Variants in DDX31 observed in about 807,000 individuals in gnomAD.
DDX31 encodes DEAD-box helicase 31.
DDX31 carries 70 observed loss-of-function variants against 91.3 expected under a neutral mutation model. That is an observed-to-expected ratio of 0.77 (90% CI 0.63 to 0.94). The LOEUF is 0.94. DDX31 is among the 40% of genes least tolerant of loss of function. DDX31 has a pLI of 0.00. For synonymous variants in DDX31, 362 were observed against 350.6 expected (o/e 1.03, Z -0.36); for missense variants, 902 against 925.0 (o/e 0.98, Z 0.32).
At chr9:132,599,030 CA>C (rs542481518) in intron 19 of DDX31, among the ~76,000 whole-genome samples, 4 of 152,206 alleles carry the variant, frequency 2.6e-5, no homozygotes, top group Non-Finnish European at 5.9e-5. Flanking sequence ...GTGATGACCA[CA>C]ATGGCGCCCT....
intron 14 of DDX31, chr9:132,638,302 G>C (rs574469871): frequency 1.2e-6 from 2 of 1,612,722 alleles, no homozygotes; most frequent in African/African-American, 1.3e-5. Flanking sequence ...TTATCAACTC[G>C]TCAACATAAT....
rs574469871 is a variant in DDX31 at position 132,638,302 on chromosome 9, G to A, written c.1440+3702C>T. The A allele has an allele frequency of 9.3e-6, 15 of 1,612,838 alleles. No individual in the cohort carries two copies. In the East Asian group the frequency reaches 1.8e-4, roughly 19 times the overall value. ...ATTCGGTGGTACTTCTTATCAACTC[G>A]TCAACATAATGATGGTATTAAAAGC... On this transcript the variant is annotated intron_variant, in intron 14 of 19. Coordinates refer to ENST00000372159, the MANE Select transcript of DDX31 (RefSeq NM_022779.9).
chr9:132,653,494 C>CAAAAAAAAAAAAAAAA (rs71376648), intron 6 of DDX31, among the ~76,000 whole-genome samples: 2 of 20,658 alleles, frequency 9.7e-5, no homozygotes, highest in African/African-American at 1.8e-4. Flanking sequence ...AACTCAGTCT[C>CAAAAAAAAAAAAAAAA]AAAAAAAAAA....
intron 17 of DDX31, among the ~76,000 whole-genome samples, chr9:132,624,384 G>GAGTC (rs1832262557): frequency 2.6e-5 from 4 of 152,110 alleles, no homozygotes; most frequent in Non-Finnish European, 5.9e-5. Flanking sequence ...ATGACCAATG[G>GAGTC]AGTCTTTAAC....
chr9:132,603,381 A>G (rs1160061389), intron 19 of DDX31, among the ~76,000 whole-genome samples: 1 of 152,254 alleles, frequency 6.6e-6, no homozygotes, highest in Non-Finnish European at 1.5e-5. Context: ...AGGCTCTGAC[A>G]TCATGAAGAA....
Position 132,609,924 on chromosome 9 carries a change from G to A in DDX31, c.1994+2163C>T, listed in dbSNP as rs562442999. Among the ~76,000 whole-genome samples, 146 of 152,316 alleles carry A rather than the reference G, an allele frequency of 9.6e-4. 1 individual carries two copies. Among genetic ancestry groups the A allele is most frequent in the African/African-American group, 3.2e-3 (131 of 41,566 alleles). ...AGTGAGTCACCGCGCCTGGCCACAT[G>A]TGTGTTTCTTAACAGTAATCATTTG... On this transcript the variant is annotated intron_variant, in intron 19 of 19. Transcript: ENST00000372159.
intron 4 of DDX31, among the ~76,000 whole-genome samples, chr9:132,660,696 T>C (rs1386834831): frequency 3.3e-5 from 5 of 152,196 alleles, no homozygotes; most frequent in African/African-American, 9.7e-5. Context: ...AAGTAAAAAA[T>C]CATTATGAAA....
At chr9:132,664,640 T>C (rs1835192887) in intron 1 of DDX31, among the ~76,000 whole-genome samples, 1 of 144,698 alleles carries the variant, frequency 6.9e-6, no homozygotes, top group South Asian at 2.2e-4. Flanking sequence ...GCCCGGGAGG[T>C]CAAGGCTGGA....
intron 6 of DDX31, among the ~76,000 whole-genome samples, chr9:132,656,114 G>A (rs1015096798): frequency 6.6e-6 from 1 of 152,104 alleles, no homozygotes; most frequent in Non-Finnish European, 1.5e-5. Context: ...AAAAAAATCA[G>A]AGCCAAAATA....
chr9:132,609,455 C>G (rs1457594623), intron 19 of DDX31, among the ~76,000 whole-genome samples: 1 of 152,194 alleles, frequency 6.6e-6, no homozygotes, highest in African/African-American at 2.4e-5. Flanking sequence ...CCCCCGCCCA[C>G]AGGCCTCCCT....
chr9:132,622,535 G>A (rs550300812), intron 17 of DDX31, among the ~76,000 whole-genome samples: 7 of 152,310 alleles, frequency 4.6e-5, no homozygotes, highest in South Asian at 2.1e-4. Context: ...CCTGCGTTGC[G>A]CAGACACACA....
intron 17 of DDX31, among the ~76,000 whole-genome samples, chr9:132,622,515 C>T (rs567388787): frequency 6.6e-6 from 1 of 152,344 alleles, no homozygotes; most frequent in East Asian, 1.9e-4. Context: ...TCCTGCCCTT[C>T]TACAGCTTCC....
intron 14 of DDX31, among the ~76,000 whole-genome samples, chr9:132,637,148 C>T (rs960947727): frequency 4.6e-5 from 7 of 152,110 alleles, no homozygotes; most frequent in Admixed American, 2.0e-4. Flanking sequence ...TCTCTGCCCC[C>T]GCCCTACCCA....
intron 17 of DDX31, among the ~76,000 whole-genome samples, chr9:132,623,374 A>G (rs913378130): frequency 6.6e-6 from 1 of 150,704 alleles, no homozygotes; most frequent in Admixed American, 6.6e-5. Flanking sequence ...TGGCCAACAT[A>G]GTGAAACCCC....
rs1455205568 is a variant in DDX31, at chr9:132,662,426, C to A, written c.332+13G>T. 2 of 1,614,124 alleles carry A rather than the reference C, an allele frequency of 1.2e-6. No individual in the cohort carries two copies. Among genetic ancestry groups the A allele is most frequent in the Non-Finnish European group, 1.7e-6 (2 of 1,179,988 alleles). On this transcript the variant is annotated intron_variant, in intron 2 of 19. Transcript: ENST00000372159. ...TTTTTTTCTTCCTGAAGGGCATCCGCCCCTGGACATACCTGTGGAGTTCTG... is the reference window on the plus strand; with the variant it reads ...TTTTTTTCTTCCTGAAGGGCATCCGACCCTGGACATACCTGTGGAGTTCTG...
intron 8 of DDX31, 84 bp from the exon 9 acceptor site, chr9:132,650,382 C>A: frequency 1.5e-6 from 2 of 1,335,610 alleles, no homozygotes. Flanking sequence ...TTTCCTTAAA[C>A]AAGGCATGGG....
chr9:132,658,755 A>G lies in DDX31; in HGVS notation c.524-20T>C. On this transcript the variant is annotated intron_variant, in intron 5 of 19. Coordinates refer to ENST00000372159, the MANE Select transcript of DDX31 (RefSeq NM_022779.9). Reference sequence around the variant, plus strand: ...TTTTACCTTTCAAAAAAAAAGCAGAAGCAATTAAAATCACACACCCTACAG... The same window carrying G: ...TTTTACCTTTCAAAAAAAAAGCAGAGGCAATTAAAATCACACACCCTACAG... The G allele has an allele frequency of 6.2e-7, 1 of 1,611,924 alleles. No individual in the cohort carries two copies. Among genetic ancestry groups the G allele is most frequent in the African/African-American group, 1.3e-5 (1 of 74,966 alleles).
In DDX31 at chr9:132,660,728, C is replaced by T. The variant is rs577240156; in HGVS notation, c.452+480G>A. Among the ~76,000 whole-genome samples the T allele has an allele frequency of 2.0e-5, 3 of 152,260 alleles. No homozygotes were observed. The South Asian group carries it at 6.2e-4, about 32-fold the overall frequency. On this transcript the variant is annotated intron_variant, in intron 4 of 19. Transcript: ENST00000372159. ...GAAAATGCACAGAAGCACAAATACT[C>T]AAAACAAGGAAGCTCATCTCCTCGC...
intron 2 of DDX31, 43 bp downstream of exon 2, chr9:132,662,396 A>G: frequency 6.2e-7 from 1 of 1,613,844 alleles, no homozygotes; most frequent in South Asian, 1.1e-5. Flanking sequence ...AAAAGGCAGA[A>G]CACATTTTTT....
Sources: gnomAD v4.1 joint callset for allele counts (sites outside exome capture counted in the v4.1 genomes callset) on GRCh38, gnomAD v4.1.1 for gene constraint, MANE v1.5 for transcripts, NCBI Gene and HGNC (gene_info 2026-07-23, HGNC 2026-07-21) for gene names.